FBXW2: variants seen among roughly 807,000 people sequenced by gnomAD.
FBXW2 encodes F-box and WD repeat domain containing 2, also known as F-box/WD repeat-containing protein 2.
FBXW2 carries 12 observed loss-of-function variants against 46.0 expected under a neutral mutation model. The ratio of observed to expected loss-of-function variants is 0.26; its 90% CI spans 0.17 to 0.42. The LOEUF is 0.42. Among genes scored for constraint, FBXW2 ranks in the 10% least tolerant of loss-of-function variants. FBXW2 has a pLI of 1.00. For synonymous variants in FBXW2, 203 were observed against 209.6 expected (o/e 0.97, Z 0.27); for missense variants, 360 against 537.0 (o/e 0.67, Z 3.26).
chr9:120,771,334 G>C lies in FBXW2; in HGVS notation c.1076+14C>G, dbSNP rs761482217. The C allele has an allele frequency of 8.1e-6, 13 of 1,601,956 alleles. No individual in the cohort carries two copies. Among genetic ancestry groups the C allele is most frequent in the Non-Finnish European group, 1.0e-5 (12 of 1,173,902 alleles). On this transcript the variant is annotated intron_variant, in intron 7 of 7. Coordinates refer to ENST00000608872, the MANE Select transcript of FBXW2 (RefSeq NM_012164.4). Reference sequence around the variant, plus strand: ...GCTTTCAAAGGTAAAGCGTGAGGTCGAAGGAAACATTACCTGAGAATATCA... The same window carrying C: ...GCTTTCAAAGGTAAAGCGTGAGGTCCAAGGAAACATTACCTGAGAATATCA...
At chr9:120,772,403 G>C (rs1246851381) in intron 6 of FBXW2, among the ~76,000 whole-genome samples, 1 of 152,108 alleles carries the variant, frequency 6.6e-6, no homozygotes, top group African/African-American at 2.4e-5. Flanking sequence ...TGAGGCAGGA[G>C]AATCACTTGA....
At position 120,784,551 on chromosome 9, in the gene FBXW2, T is replaced by C. The variant is rs181866726; in HGVS notation, c.490+3218A>G. Among the ~76,000 whole-genome samples the C allele has an allele frequency of 7.3e-4, 109 of 149,820 alleles. 1 individual carries two copies. The highest frequency in any genetic ancestry group is 4.7e-3 in the South Asian group (22 of 4,682). On this transcript the variant is annotated intron_variant, in intron 3 of 7. Coordinates refer to ENST00000608872, the MANE Select transcript of FBXW2 (RefSeq NM_012164.4). ...ATCACCTGAGCCCAGGAGGTGGAGG[T>C]TGAAGAAAGCCAAGATCACATCATT...
intron 2 of FBXW2, chr9:120,792,850 T>C: frequency 1.4e-6 from 2 of 1,448,192 alleles, no homozygotes; most frequent in Non-Finnish European, 1.8e-6. Context: ...AATATTGTTA[T>C]CTTTGCTTTA....
chr9:120,764,864 T>A lies in FBXW2; in HGVS notation c.1077-17A>T, dbSNP rs2044246767. ...TTGATGACCCTACAAGGATGAGAGT[T>A]AGGGACTGTGAAAGAAGGCAACCTT... On this transcript the variant is annotated splice_polypyrimidine_tract_variant and intron_variant, in intron 7 of 7. Transcript: ENST00000608872. 1 of 1,522,046 alleles carries A rather than the reference T, an allele frequency of 6.6e-7. No individual in the cohort carries two copies. Among genetic ancestry groups the A allele is most frequent in the Non-Finnish European group, 8.8e-7 (1 of 1,132,388 alleles). 94.3% of individuals were successfully genotyped at this position (1,522,046 alleles called of 1,614,324 possible).
chr9:120,758,876 T>G lies in FBXW2; in HGVS notation c.*5683A>C, dbSNP rs946439530. 4 of 152,344 alleles carry G rather than the reference T, an allele frequency of 2.6e-5. No homozygotes were observed. The South Asian group carries it at 6.2e-4, about 24-fold the overall frequency. The allele number at this position is 152,344 out of a possible 1,614,324, so 9.4% of individuals were successfully genotyped here. On this transcript the variant is annotated 3_prime_UTR_variant, in exon 8 of 8. Coordinates refer to ENST00000608872, the MANE Select transcript of FBXW2 (RefSeq NM_012164.4). ...ATCCTTGGGCAAAAGAGAGGAAGAC[T>G]ATTCCAAGGTCTGGAAGCAAAATGG...
intron 3 of FBXW2, among the ~76,000 whole-genome samples, chr9:120,784,919 CAAA>C (rs764551899): frequency 1.0e-4 from 7 of 67,898 alleles, no homozygotes; most frequent in Non-Finnish European, 6.1e-5. Flanking sequence ...GCTCCTGTTT[CAAA>C]AAAAAAAAAA....
intron 3 of FBXW2, among the ~76,000 whole-genome samples, chr9:120,781,426 T>A (rs2044608899): frequency 6.6e-6 from 1 of 152,154 alleles, no homozygotes; most frequent in South Asian, 2.1e-4. Flanking sequence ...AACAGTTCAG[T>A]CTGACTGCGA....
chr9:120,767,400 A>G lies in FBXW2; in HGVS notation c.1077-2553T>C, dbSNP rs115433080. Among the ~76,000 whole-genome samples, 476 of 152,362 alleles carry G rather than the reference A, an allele frequency of 3.1e-3. 4 individuals are homozygous for G. The highest frequency in any genetic ancestry group is 0.011 in the African/African-American group (456 of 41,586). On this transcript the variant is annotated intron_variant, in intron 7 of 7. Coordinates refer to ENST00000608872, the MANE Select transcript of FBXW2 (RefSeq NM_012164.4). ...ACATGTTTGAGAACATCCAAAATCA[A>G]TCACTGAACACTCCCTATGGTGTCA... is the stretch of plus-strand genomic sequence containing the variant.
At chr9:120,781,659 C>G (rs990111948) in intron 3 of FBXW2, among the ~76,000 whole-genome samples, 1 of 151,610 alleles carries the variant, frequency 6.6e-6, no homozygotes, top group African/African-American at 2.4e-5. Context: ...CACACACACA[C>G]ACACACACAC....
intron 5 of FBXW2, among the ~76,000 whole-genome samples, chr9:120,774,988 C>T (rs1227815360): frequency 6.6e-6 from 1 of 152,190 alleles, no homozygotes; most frequent in African/African-American, 2.4e-5. Context: ...ACTCTTTCCA[C>T]AGCTATCTCC....
intron 7 of FBXW2, among the ~76,000 whole-genome samples, chr9:120,766,288 G>A (rs1414801716): frequency 6.6e-6 from 1 of 152,128 alleles, no homozygotes; most frequent in African/African-American, 2.4e-5. Context: ...AGATGTGTAA[G>A]AGACAGCCCA....
At position 120,758,451 on chromosome 9, in the gene FBXW2, CAAGT is replaced by C. The variant is rs2044152164; in HGVS notation, c.*6104_*6107del. The C allele has an allele frequency of 6.6e-6, 1 of 152,254 alleles. No homozygotes were observed. The highest frequency in any genetic ancestry group is 2.4e-5 in the African/African-American group (1 of 41,442). 9.4% of individuals were successfully genotyped at this position (152,254 alleles called of 1,614,324 possible). A position where few individuals can be genotyped will look rare whatever the true frequency, so the allele number is the denominator to read the frequency against. On this transcript the variant is annotated 3_prime_UTR_variant, in exon 8 of 8. Transcript: ENST00000608872. ...GAGAGTTACCAAGATTGAACAAGAG[CAAGT>C]AAGTGCTCAAAGAAGTGGTTGGGGA...
intron 2 of FBXW2, chr9:120,792,672 T>C (rs1176508865): frequency 1.1e-5 from 3 of 261,490 alleles, no homozygotes; most frequent in Non-Finnish European, 1.5e-5. Context: ...GGCAAATCAC[T>C]TCACCTGTCT....
intron 5 of FBXW2, among the ~76,000 whole-genome samples, chr9:120,773,823 G>A (rs953304488): frequency 5.9e-5 from 9 of 152,216 alleles, no homozygotes; most frequent in African/African-American, 1.9e-4. Context: ...AGACATCACC[G>A]TCAGTGTCCT....
chr9:120,790,860 C>T (rs1588054078), intron 2 of FBXW2, among the ~76,000 whole-genome samples: 1 of 152,080 alleles, frequency 6.6e-6, no homozygotes, highest in Admixed American at 6.6e-5. Flanking sequence ...CATGACACCG[C>T]TAAAGATTAC....
intron 3 of FBXW2, among the ~76,000 whole-genome samples, chr9:120,779,994 G>GCC (rs2044576172): frequency 6.6e-6 from 1 of 151,976 alleles, no homozygotes; most frequent in African/African-American, 2.4e-5. Flanking sequence ...AAAAAAATCA[G>GCC]CCGGGCATGA....
intron 5 of FBXW2, among the ~76,000 whole-genome samples, chr9:120,773,420 T>C (rs1588033042): frequency 6.6e-6 from 1 of 152,196 alleles, no homozygotes. Context: ...TATGCTGACT[T>C]TGCAACCTTG....
rs756296435 is a variant in FBXW2 at position 120,787,912 on chromosome 9, G to A, written c.347C>T (p.Ala116Val). Residue 116 changes from alanine (A) to valine (V), a missense_variant, in exon 3 of 8, where the codon GCT becomes GTT. By Grantham distance (64) the Ala-to-Val change is moderately conservative. Coordinates refer to ENST00000608872, the MANE Select transcript of FBXW2 (RefSeq NM_012164.4). The part of the protein sequence containing the change: ...GWQIDDSVQD[A>V]LHWKKVYLKA... ...CAAATAAACCTTCTTCCAGTGCAAA[G>A]CGTCCTGAACAGAATCATCTATCTG... The A allele has an allele frequency of 2.8e-5, 46 of 1,614,054 alleles. No homozygotes were observed. In the South Asian group the frequency reaches 4.9e-4, roughly 17 times the overall value.
In FBXW2 at chr9:120,761,597, T is replaced by C. The variant is rs1264714500; in HGVS notation, c.*2962A>G. The C allele has an allele frequency of 6.6e-6, 1 of 152,240 alleles. No individual in the cohort carries two copies. Among genetic ancestry groups the C allele is most frequent in the Admixed American group, 6.5e-5 (1 of 15,280 alleles). 9.4% of individuals were successfully genotyped at this position (152,240 alleles called of 1,614,324 possible). On this transcript the variant is annotated 3_prime_UTR_variant, in exon 8 of 8. Coordinates refer to ENST00000608872, the MANE Select transcript of FBXW2 (RefSeq NM_012164.4). ...ACTTTGCTTTCTTTTGCAAAAAGGA[T>C]GAGCTAGTTTTCCATTTTTATAAAA...
Sources: gnomAD v4.1 joint callset for allele counts (sites outside exome capture counted in the v4.1 genomes callset) on GRCh38, gnomAD v4.1.1 for gene constraint, MANE v1.5 for transcripts, NCBI Gene and HGNC (gene_info 2026-07-23, HGNC 2026-07-21) for gene names.